The following SLC9A9 variants were observed in gnomAD, a reference collection of about 807,000 sequenced individuals.
SLC9A9 encodes sodium/hydrogen exchanger 9.
Under a neutral mutation model 77.8 loss-of-function variants are expected in SLC9A9, and 62 were observed. The observed-to-expected ratio is 0.80, with a 90% confidence interval of 0.65 to 0.98. SLC9A9 has a LOEUF of 0.98. SLC9A9 is among the 50% of genes least tolerant of loss of function. The probability of loss-of-function intolerance (pLI) is 0.00; values close to 1 mark genes in which losing one functional copy is unlikely to be tolerated. For missense variants in SLC9A9, 775 were observed against 774.9 expected (o/e 1.00, Z 0.00); for synonymous variants, 320 against 283.5 (o/e 1.13, Z -1.29).
chr3:143,428,091 T>C (rs927441069), intron 12 of SLC9A9, among the ~76,000 whole-genome samples: 2 of 152,150 alleles, frequency 1.3e-5, no homozygotes, highest in South Asian at 2.1e-4. Flanking sequence ...TAGGATTACA[T>C]CAAGCCCAAA....
intron 8 of SLC9A9, among the ~76,000 whole-genome samples, chr3:143,561,025 A>G (rs2037075353): frequency 6.6e-6 from 1 of 152,144 alleles, no homozygotes; most frequent in Non-Finnish European, 1.5e-5. Context: ...TACTAAAAAT[A>G]CAAAAATTAG....
chr3:143,343,647 A>G (rs2032177092), intron 14 of SLC9A9: 1 of 152,220 alleles, frequency 6.6e-6, no homozygotes, highest in African/African-American at 2.4e-5. Flanking sequence ...AGATGGTGTC[A>G]AAGATGATTC....
intron 7 of SLC9A9, among the ~76,000 whole-genome samples, chr3:143,576,962 A>G (rs1419964717): frequency 2.0e-5 from 3 of 152,106 alleles, no homozygotes; most frequent in South Asian, 2.1e-4. Flanking sequence ...CTTTATCTCC[A>G]ATAGCCAGCC....
At chr3:143,472,663 T>C (rs1202490425) in intron 11 of SLC9A9, among the ~76,000 whole-genome samples, 2 of 152,216 alleles carry the variant, frequency 1.3e-5, no homozygotes, top group Non-Finnish European at 2.9e-5. Flanking sequence ...TCTGTTTAGC[T>C]GTGACATCTA....
chr3:143,653,115 G>A (rs1458019146), intron 5 of SLC9A9, among the ~76,000 whole-genome samples: 1 of 152,162 alleles, frequency 6.6e-6, no homozygotes, highest in Non-Finnish European at 1.5e-5. Flanking sequence ...GGGAGACACG[G>A]TTCCACCTGA....
At chr3:143,699,564 G>A (rs1933738534) in intron 4 of SLC9A9, among the ~76,000 whole-genome samples, 1 of 152,250 alleles carries the variant, frequency 6.6e-6, no homozygotes, top group South Asian at 2.1e-4. Context: ...ACTTACCGGT[G>A]CCGTGTCACA....
intron 5 of SLC9A9, among the ~76,000 whole-genome samples, chr3:143,659,602 C>T (rs984466170): frequency 9.9e-5 from 15 of 152,094 alleles, no homozygotes; most frequent in African/African-American, 3.6e-4. Flanking sequence ...AGAGTCAACA[C>T]TGGGCCTGTG....
chr3:143,529,155 C>G (rs1448140951), intron 9 of SLC9A9, among the ~76,000 whole-genome samples: 1 of 152,042 alleles, frequency 6.6e-6, no homozygotes, highest in African/African-American at 2.4e-5. Context: ...GCCTCTCAAG[C>G]AAAAAATGCA....
intron 2 of SLC9A9, among the ~76,000 whole-genome samples, chr3:143,830,488 GA>G (rs2009407403): frequency 6.6e-6 from 1 of 152,140 alleles, no homozygotes; most frequent in South Asian, 2.1e-4. Flanking sequence ...ATAAATATGT[GA>G]ATAATTCAAT....
At chr3:143,753,217 C>G (rs977536328) in intron 4 of SLC9A9, among the ~76,000 whole-genome samples, 1 of 152,110 alleles carries the variant, frequency 6.6e-6, no homozygotes. Flanking sequence ...TATTTTATGA[C>G]CTTTGGACAG....
chr3:143,667,556 G>T (rs7627046), intron 5 of SLC9A9, among the ~76,000 whole-genome samples: 2 of 152,008 alleles, frequency 1.3e-5, no homozygotes, highest in Non-Finnish European at 2.9e-5. Context: ...CCTACAGAAT[G>T]GGAGAAAATT....
chr3:143,624,391 G>A (rs2038278172), intron 6 of SLC9A9, among the ~76,000 whole-genome samples: 1 of 152,166 alleles, frequency 6.6e-6, no homozygotes, highest in South Asian at 2.1e-4. Context: ...ACTGAATCCA[G>A]CAGCACATCA....
chr3:143,682,148 A>T (rs1206949006), intron 5 of SLC9A9, among the ~76,000 whole-genome samples: 1 of 152,280 alleles, frequency 6.6e-6, no homozygotes, highest in African/African-American at 2.4e-5. Context: ...TGCATATAGG[A>T]ACCAACTCCT....
intron 6 of SLC9A9, among the ~76,000 whole-genome samples, chr3:143,641,827 T>C (rs2038628900): frequency 6.6e-6 from 1 of 152,210 alleles, no homozygotes; most frequent in African/African-American, 2.4e-5. Flanking sequence ...ATACACATTA[T>C]TTCTCCCTCT....
intron 11 of SLC9A9, among the ~76,000 whole-genome samples, chr3:143,485,786 G>A (rs552480837): frequency 6.6e-6 from 1 of 151,980 alleles, no homozygotes; most frequent in Admixed American, 6.6e-5. Context: ...CGTGATGGCA[G>A]ATATACTAGA....
At chr3:143,373,720 G>A in intron 13 of SLC9A9, among the ~76,000 whole-genome samples, 1 of 146,906 alleles carries the variant, frequency 6.8e-6, no homozygotes, top group African/African-American at 2.5e-5. Flanking sequence ...ATACTAAGAA[G>A]AAAGTGTCAG....
At chr3:143,842,935 C>G (rs1016318528) in intron 1 of SLC9A9, among the ~76,000 whole-genome samples, 1 of 152,126 alleles carries the variant, frequency 6.6e-6, no homozygotes, top group Non-Finnish European at 1.5e-5. Context: ...TTTTGAAGGA[C>G]TTTTGCAGCT....
intron 6 of SLC9A9, among the ~76,000 whole-genome samples, chr3:143,625,283 C>T (rs2038299169): frequency 6.6e-6 from 1 of 152,076 alleles, no homozygotes; most frequent in African/African-American, 2.4e-5. Context: ...TCATATGGAG[C>T]CAAAAAAGAG....
At chr3:143,728,172 A>C (rs9846041) in intron 4 of SLC9A9, among the ~76,000 whole-genome samples, 137,763 of 152,174 alleles carry the variant, frequency 0.91, 62,413 homozygotes, top group East Asian at 1. Context: ...ACAAAACAGA[A>C]AAGGTGCTGC....
Sources: allele counts gnomAD v4.1 joint callset (sites outside exome capture counted in the v4.1 genomes callset), GRCh38; gene constraint gnomAD v4.1.1; transcripts MANE v1.5; gene names NCBI Gene and HGNC (gene_info 2026-07-23, HGNC 2026-07-21).